PCDH7: variants seen among roughly 807,000 people sequenced by gnomAD.
PCDH7 encodes the protein protocadherin 7.
PCDH7 carries 17 observed loss-of-function variants against 58.9 expected under a neutral mutation model. The ratio of observed to expected loss-of-function variants is 0.29; its 90% CI spans 0.20 to 0.43. The LOEUF is 0.43. Among genes scored for constraint, PCDH7 ranks in the 20% least tolerant of loss-of-function variants. The probability of loss-of-function intolerance (pLI) is 1.00; values close to 1 mark genes in which losing one functional copy is unlikely to be tolerated. For missense variants in PCDH7, 1,274 were observed against 1,441.0 expected, an observed-to-expected ratio of 0.88 and a Z score of 1.88; for synonymous variants, 664 against 616.4, an observed-to-expected ratio of 1.08 and a Z score of -1.14.
At chr4:30,726,435 C>T (rs1714624397) in intron 1 of PCDH7, among the ~76,000 whole-genome samples, 1 of 152,002 alleles carries the variant, frequency 6.6e-6, no homozygotes, top group Non-Finnish European at 1.5e-5. Flanking sequence ...TTTATGCAAA[C>T]ACTTCATATG....
chr4:30,971,158 G>T (rs1749550731), intron 3 of PCDH7, among the ~76,000 whole-genome samples: 1 of 152,186 alleles, frequency 6.6e-6, no homozygotes, highest in Admixed American at 6.5e-5. Flanking sequence ...AACAACACTA[G>T]CTCTTAAAGA....
intron 1 of PCDH7, among the ~76,000 whole-genome samples, chr4:30,814,297 A>C (rs1039489273): frequency 3.9e-5 from 6 of 152,042 alleles, no homozygotes; most frequent in African/African-American, 1.4e-4. Context: ...CATTAATCAC[A>C]TTTTGACAAT....
At chr4:31,028,923 C>A (rs891932493) in intron 3 of PCDH7, among the ~76,000 whole-genome samples, 3 of 152,134 alleles carry the variant, frequency 2.0e-5, no homozygotes, top group Admixed American at 6.5e-5. Context: ...CAACCCCAAA[C>A]TGGTTGTGTG....
At chr4:30,918,396 A>G (rs1242389761) in intron 1 of PCDH7, among the ~76,000 whole-genome samples, 1 of 152,124 alleles carries the variant, frequency 6.6e-6, no homozygotes, top group Non-Finnish European at 1.5e-5. Context: ...AAATGAGAGT[A>G]CAAATTGATT....
chr4:30,785,235 A>G (rs971144647), intron 1 of PCDH7, among the ~76,000 whole-genome samples: 1 of 152,038 alleles, frequency 6.6e-6, no homozygotes, highest in Non-Finnish European at 1.5e-5. Context: ...ACTTTAAGGT[A>G]GTTTTAGTTG....
intron 1 of PCDH7, among the ~76,000 whole-genome samples, chr4:30,849,238 C>T (rs79336859): frequency 0.038 from 5,757 of 152,204 alleles, 352 homozygotes; most frequent in African/African-American, 0.13. Context: ...TGACCTCCCT[C>T]TCCCCTCCAA....
intron 3 of PCDH7, among the ~76,000 whole-genome samples, chr4:31,097,245 T>G (rs765996250): frequency 6.6e-6 from 1 of 151,820 alleles, no homozygotes; most frequent in Non-Finnish European, 1.5e-5. Context: ...TCACCTGAGG[T>G]CAGGAGTTCG....
chr4:31,016,639 A>G (rs142275969), intron 3 of PCDH7, among the ~76,000 whole-genome samples: 14 of 152,300 alleles, frequency 9.2e-5, no homozygotes, highest in African/African-American at 3.4e-4. Flanking sequence ...TGTTAAGGAA[A>G]TAATAATTTT....
rs1713650898 is a variant in PCDH7 at position 30,721,976 on chromosome 4, A to G, written c.554A>G (p.Glu185Gly). The G allele has an allele frequency of 7.4e-7, 1 of 1,353,932 alleles. No homozygotes were observed. The highest frequency in any genetic ancestry group is 9.5e-7 in the Non-Finnish European group (1 of 1,054,450). The allele number at this position is 1,353,932 out of a possible 1,614,324, so 83.9% of individuals were successfully genotyped here. ...ATCGAGCGCTACGAGCTGCTCCAGGAGCCCGGAGGCGGCGGCAGCGGCGGC... is the reference window on the plus strand; with the variant it reads ...ATCGAGCGCTACGAGCTGCTCCAGGGGCCCGGAGGCGGCGGCAGCGGCGGC... The change falls in exon 1 of 2, where the codon GAG (glutamate) becomes GGG (glycine). Residue 185 changes from glutamate to glycine, a missense_variant. Physicochemically the swap from Glu to Gly is moderately conservative, Grantham distance 98. This residue lies in a region of PCDH7 where 331 missense variants were observed against 303.2 expected (regional missense o/e 1.09). Transcript: ENST00000361762. The surrounding 1 kb of genome is among the most constrained non-coding windows in gnomAD (Gnocchi z 6.7).
At chr4:30,844,402 T>A (rs1312125984) in intron 1 of PCDH7, among the ~76,000 whole-genome samples, 2 of 152,134 alleles carry the variant, frequency 1.3e-5, no homozygotes, top group South Asian at 2.1e-4. Context: ...ACCAGAAAAA[T>A]TAGCTCTTCA....
At chr4:31,072,222 T>C (rs1366452190) in intron 3 of PCDH7, among the ~76,000 whole-genome samples, 1 of 152,094 alleles carries the variant, frequency 6.6e-6, no homozygotes, top group Non-Finnish European at 1.5e-5. Context: ...TTAAATCTTT[T>C]TTAAATGCAT....
chr4:30,874,224 T>C (rs1034678541), intron 1 of PCDH7, among the ~76,000 whole-genome samples: 5 of 151,966 alleles, frequency 3.3e-5, no homozygotes, highest in Non-Finnish European at 5.9e-5. Context: ...TAAATCATGC[T>C]GCTATAAAGA....
chr4:30,908,042 T>A (rs1741205561), intron 1 of PCDH7, among the ~76,000 whole-genome samples: 1 of 151,896 alleles, frequency 6.6e-6, no homozygotes, highest in East Asian at 1.9e-4. Context: ...AGGTGGGAGT[T>A]AAACAATTAG....
chr4:30,811,097 A>C (rs1274372906), intron 1 of PCDH7, among the ~76,000 whole-genome samples: 3 of 152,212 alleles, frequency 2.0e-5, no homozygotes, highest in African/African-American at 7.2e-5. Flanking sequence ...TTTCATGTCA[A>C]AACTGAGGCT....
At chr4:30,817,865 A>G (rs1727894565) in intron 1 of PCDH7, among the ~76,000 whole-genome samples, 1 of 152,172 alleles carries the variant, frequency 6.6e-6, no homozygotes, top group Non-Finnish European at 1.5e-5. Flanking sequence ...ACTTCTTTTA[A>G]AACACAATTC....
chr4:31,077,223 C>A (rs994815737), intron 3 of PCDH7, among the ~76,000 whole-genome samples: 48 of 151,894 alleles, frequency 3.2e-4, no homozygotes, highest in African/African-American at 1.0e-3. Flanking sequence ...CCAGCCTGAC[C>A]AACATGGAGA....
At chr4:30,919,064 G>A (rs1424447405) in intron 1 of PCDH7, among the ~76,000 whole-genome samples, 1 of 151,998 alleles carries the variant, frequency 6.6e-6, no homozygotes, top group Admixed American at 6.6e-5. Context: ...TTATTTTCTA[G>A]CAACATTAAT....
At chr4:31,106,975 C>G (rs992111072) in intron 3 of PCDH7, among the ~76,000 whole-genome samples, 1 of 152,208 alleles carries the variant, frequency 6.6e-6, no homozygotes, top group Non-Finnish European at 1.5e-5. Flanking sequence ...CTATCCTACT[C>G]ATACTAATAA....
intron 1 of PCDH7, among the ~76,000 whole-genome samples, chr4:30,908,457 G>C (rs527381314): frequency 6.6e-6 from 1 of 152,216 alleles, no homozygotes; most frequent in South Asian, 2.1e-4. Flanking sequence ...GTGGAAAAAT[G>C]TGGGAATGAG....
Sources: gnomAD v4.1 joint callset for allele counts (sites outside exome capture counted in the v4.1 genomes callset) on GRCh38, gnomAD v4.1.1 for gene constraint, gnomAD v4.1.1 regional missense constraint, Gnocchi (gnomAD v3.1) non-coding constraint, MANE v1.5 for transcripts, NCBI Gene and HGNC (gene_info 2026-07-23, HGNC 2026-07-21) for gene names.